The following TRPM3 variants were observed in gnomAD, a reference collection of about 807,000 sequenced individuals.
TRPM3 encodes the protein long transient receptor potential channel 3.
Under a neutral mutation model 181.2 loss-of-function variants are expected in TRPM3, and 77 were observed. That is an observed-to-expected ratio of 0.42 (90% CI 0.35 to 0.51). The LOEUF (loss-of-function observed/expected upper bound fraction) is 0.51. TRPM3 is among the 20% of genes least tolerant of loss of function. The pLI is 0.01. For synonymous variants in TRPM3, 745 were observed against 796.4 expected, an observed-to-expected ratio of 0.94 and a Z score of 1.09; for missense variants, 1,759 against 2,196.7, an observed-to-expected ratio of 0.80 and a Z score of 3.98.
chr9:70,912,399 T>A (rs946030483), intron 1 of TRPM3, among the ~76,000 whole-genome samples: 4 of 152,156 alleles, frequency 2.6e-5, no homozygotes, highest in African/African-American at 9.7e-5. Flanking sequence ...AATTTTGACA[T>A]CTGATAAAGA....
chr9:71,387,926 A>G (rs1384520140), intron 1 of TRPM3, among the ~76,000 whole-genome samples: 1 of 152,192 alleles, frequency 6.6e-6, no homozygotes, highest in African/African-American at 2.4e-5. Flanking sequence ...ACTCAATCAT[A>G]TATTGTGCAT....
chr9:71,318,585 A>G (rs2088876305), intron 1 of TRPM3, among the ~76,000 whole-genome samples: 1 of 152,140 alleles, frequency 6.6e-6, no homozygotes, highest in African/African-American at 2.4e-5. Flanking sequence ...GGAACTAACA[A>G]TCTGTAACCA....
intron 6 of TRPM3, among the ~76,000 whole-genome samples, chr9:70,793,932 G>A (rs2086320662): frequency 1.3e-5 from 2 of 152,054 alleles, no homozygotes; most frequent in South Asian, 4.2e-4. Flanking sequence ...AACGCTCTGG[G>A]TACATTTAAG....
chr9:71,209,988 C>T (rs2079384150), intron 1 of TRPM3, among the ~76,000 whole-genome samples: 1 of 152,176 alleles, frequency 6.6e-6, no homozygotes, highest in South Asian at 2.1e-4. Context: ...TTTAGGGAAT[C>T]CCAAGGGTAC....
At chr9:70,571,719 C>T (rs1311005219) in intron 22 of TRPM3, among the ~76,000 whole-genome samples, 2 of 152,104 alleles carry the variant, frequency 1.3e-5, no homozygotes, top group Admixed American at 1.3e-4. Flanking sequence ...TAGTATTATT[C>T]ACAACACATG....
chr9:71,021,521 C>T (rs891718744), intron 1 of TRPM3, among the ~76,000 whole-genome samples: 4 of 152,188 alleles, frequency 2.6e-5, no homozygotes, highest in South Asian at 4.1e-4. Flanking sequence ...TTACTTAGCA[C>T]GCTAGGGAAA....
chr9:70,936,221 C>T (rs906386065), intron 1 of TRPM3, among the ~76,000 whole-genome samples: 12 of 152,288 alleles, frequency 7.9e-5, no homozygotes, highest in African/African-American at 2.9e-4. Flanking sequence ...AAATAGATGA[C>T]TAAATCTACC....
intron 11 of TRPM3, among the ~76,000 whole-genome samples, chr9:70,636,174 G>T (rs2057151894): frequency 6.6e-6 from 1 of 151,940 alleles, no homozygotes; most frequent in African/African-American, 2.4e-5. Context: ...AATGAGCTTG[G>T]TTATGATTCA....
chr9:71,085,282 G>A (rs1269497816), intron 1 of TRPM3, among the ~76,000 whole-genome samples: 1 of 151,950 alleles, frequency 6.6e-6, no homozygotes, highest in African/African-American at 2.4e-5. Flanking sequence ...TGGCAAGTGG[G>A]ACCTAACTAA....
In TRPM3 at chr9:71,308,467, G is replaced by A. The variant is rs376821930; in HGVS notation, c.183+138186C>T. ...TTATCCAGGCTTATTAGCAATTCAGGCAGAATCTAGTTGTCATAACTATTT... is the reference window on the plus strand; with the variant it reads ...TTATCCAGGCTTATTAGCAATTCAGACAGAATCTAGTTGTCATAACTATTT... On this transcript the variant is annotated intron_variant, in intron 1 of 24. Transcript: ENST00000357533. Among the ~76,000 whole-genome samples the A allele has an allele frequency of 3.3e-4, 50 of 152,174 alleles. No homozygotes were observed. In the South Asian group the frequency reaches 3.9e-3, roughly 12 times the overall value.
In TRPM3 at chr9:70,831,980, TATATA is replaced by T. The variant is rs2093947921; in HGVS notation, c.802-3967_802-3963del. 1.7e-4 allele frequency among the ~76,000 whole-genome samples: 20 copies of T among 120,188 alleles called. 1 individual carries two copies. The highest frequency in any genetic ancestry group is 3.4e-4 in the Non-Finnish European group (19 of 56,604). The allele number at this position is 120,188 out of a possible 152,430, so 78.8% of individuals were successfully genotyped here. A position where few individuals can be genotyped will look rare whatever the true frequency, so the allele number is the denominator to read the frequency against. On this transcript the variant is annotated intron_variant, in intron 5 of 25. Transcript: ENST00000677713. ...CCCCATAAATATATATATATATATA[TATATA>T]TATATATATATACCTACTATGTACC...
chr9:70,955,642 A>T (rs1331896641), intron 1 of TRPM3, among the ~76,000 whole-genome samples: 1 of 152,158 alleles, frequency 6.6e-6, no homozygotes, highest in African/African-American at 2.4e-5. Flanking sequence ...AGAATCCAAA[A>T]TTTTTGACCA....
intron 1 of TRPM3, among the ~76,000 whole-genome samples, chr9:71,278,655 G>A (rs529014570): frequency 1.3e-5 from 2 of 152,244 alleles, no homozygotes; most frequent in South Asian, 2.1e-4. Context: ...AGGTTGAACC[G>A]TATGTCCTTG....
At chr9:71,446,730 A>G in exon 1 of TRPM3, 1 of 1,550,496 alleles carries the variant, frequency 6.4e-7, no homozygotes, top group Non-Finnish European at 8.7e-7. Flanking sequence ...GACTCGGCAA[A>G]CCTGCCCCGG....
At chr9:71,392,914 A>C (rs1158990662) in intron 1 of TRPM3, among the ~76,000 whole-genome samples, 1 of 152,164 alleles carries the variant, frequency 6.6e-6, no homozygotes, top group African/African-American at 2.4e-5. Flanking sequence ...TAATCAAAGT[A>C]ATGTTTTGGA....
chr9:70,838,590 G>T (rs1422152341), intron 5 of TRPM3, among the ~76,000 whole-genome samples: 1 of 152,174 alleles, frequency 6.6e-6, no homozygotes, highest in South Asian at 2.1e-4. Flanking sequence ...GGGATATGAC[G>T]TTAAGGGTGA....
intron 1 of TRPM3, among the ~76,000 whole-genome samples, chr9:71,000,490 T>A (rs2097587199): frequency 6.6e-6 from 1 of 152,238 alleles, no homozygotes; most frequent in Non-Finnish European, 1.5e-5. Context: ...AACGTATATA[T>A]AAACAACAAA....
chr9:70,604,973 T>TTTTTTTTTTTGG (rs1589195792), intron 19 of TRPM3, among the ~76,000 whole-genome samples: 2 of 150,352 alleles, frequency 1.3e-5, no homozygotes, highest in African/African-American at 2.5e-5. Context: ...TCTTTTTTTT[T>TTTTTTTTTTTGG]GGAGACTGAG....
intron 3 of TRPM3, among the ~76,000 whole-genome samples, chr9:70,850,874 C>T (rs1458587803): frequency 2.0e-5 from 3 of 152,284 alleles, no homozygotes; most frequent in East Asian, 1.9e-4. Context: ...TCAACTTTAA[C>T]GTATCACTTT....
Sources: allele counts gnomAD v4.1 joint callset (sites outside exome capture counted in the v4.1 genomes callset), GRCh38; gene constraint gnomAD v4.1.1; transcripts MANE v1.5; gene names NCBI Gene and HGNC (gene_info 2026-07-23, HGNC 2026-07-21).